Variants in ADGRL3 observed in about 807,000 individuals in gnomAD.
ADGRL3 encodes the protein adhesion G protein-coupled receptor L3.
A neutral mutation model predicts 153.5 loss-of-function variants in ADGRL3; 62 were observed. The observed-to-expected ratio is 0.40, with a 90% confidence interval of 0.33 to 0.50. The LOEUF is 0.50. Among genes scored for constraint, ADGRL3 ranks in the 20% least tolerant of loss-of-function variants. ADGRL3 has a pLI of 0.47. For missense variants in ADGRL3, 1,641 were observed against 1,859.4 expected (o/e 0.88, Z 2.16); for synonymous variants, 710 against 672.5 (o/e 1.06, Z -0.86).
At chr4:61,578,656 A>G (rs564745455) in intron 4 of ADGRL3, among the ~76,000 whole-genome samples, 277 of 152,084 alleles carry the variant, frequency 1.8e-3, no homozygotes, top group African/African-American at 6.5e-3. Flanking sequence ...TGCACATTTC[A>G]TTGCTCAGAT....
intron 2 of ADGRL3, chr4:61,420,623 G>T (rs556290611): frequency 6.6e-6 from 1 of 151,358 alleles, no homozygotes; most frequent in African/African-American, 2.4e-5. Context: ...AGCCAGGATG[G>T]TCTCGATCTC....
chr4:61,257,971 A>G (rs901162013), intron 1 of ADGRL3, among the ~76,000 whole-genome samples: 3 of 152,124 alleles, frequency 2.0e-5, no homozygotes, highest in African/African-American at 7.2e-5. Flanking sequence ...GAGAGTCAGA[A>G]GTGGTGTCTG....
chr4:61,919,340 C>G (rs1363399891), intron 13 of ADGRL3, among the ~76,000 whole-genome samples: 1 of 152,130 alleles, frequency 6.6e-6, no homozygotes, highest in African/African-American at 2.4e-5. Flanking sequence ...GGTTTGGTAA[C>G]CCTTTGTTAA....
At chr4:62,051,912 A>G (rs1734416086) in intron 25 of ADGRL3, among the ~76,000 whole-genome samples, 1 of 151,678 alleles carries the variant, frequency 6.6e-6, no homozygotes, top group African/African-American at 2.4e-5. Flanking sequence ...AAAAATTCCT[A>G]TTTTTAGAGC....
chr4:61,747,283 G>A (rs1441400343), intron 8 of ADGRL3, among the ~76,000 whole-genome samples: 233 of 150,180 alleles, frequency 1.6e-3, no homozygotes, highest in Non-Finnish European at 2.4e-3. Flanking sequence ...AGAGGTACAA[G>A]GAGGAACTGG....
chr4:61,931,713 T>A (rs1317049840), intron 13 of ADGRL3, among the ~76,000 whole-genome samples: 1 of 152,154 alleles, frequency 6.6e-6, no homozygotes, highest in Non-Finnish European at 1.5e-5. Flanking sequence ...AAATTCTAGG[T>A]TTGGGGGCCA....
chr4:61,906,417 AT>A (rs1284108852), intron 11 of ADGRL3: 1 of 152,174 alleles, frequency 6.6e-6, no homozygotes, highest in African/African-American at 2.4e-5. Context: ...AATTTAAAAA[AT>A]TAATTTAAAA....
At chr4:61,987,330 C>A (rs934861476) in intron 19 of ADGRL3, among the ~76,000 whole-genome samples, 1 of 151,622 alleles carries the variant, frequency 6.6e-6, no homozygotes, top group Admixed American at 6.6e-5. Flanking sequence ...TGCACCACCA[C>A]GCCCGTCTAA....
At chr4:61,553,989 C>T (rs528750772) in intron 4 of ADGRL3, among the ~76,000 whole-genome samples, 22 of 151,416 alleles carry the variant, frequency 1.5e-4, no homozygotes, top group South Asian at 1.3e-3. Context: ...TCCTACCTGC[C>T]GGAGAACAGA....
At chr4:61,599,043 C>A (rs1276381937) in intron 5 of ADGRL3, among the ~76,000 whole-genome samples, 1 of 152,130 alleles carries the variant, frequency 6.6e-6, no homozygotes, top group Non-Finnish European at 1.5e-5. Context: ...GGATGAAATA[C>A]ATACAAATTT....
chr4:61,247,749 G>A (rs933315644), intron 1 of ADGRL3, among the ~76,000 whole-genome samples: 2 of 151,916 alleles, frequency 1.3e-5, no homozygotes, highest in African/African-American at 4.8e-5. Flanking sequence ...TTAGGTTTAT[G>A]AGAAATTGTT....
chr4:61,251,508 A>G (rs1371808290), intron 1 of ADGRL3, among the ~76,000 whole-genome samples: 1 of 152,216 alleles, frequency 6.6e-6, no homozygotes, highest in East Asian at 1.9e-4. Flanking sequence ...GCCCTCCCAG[A>G]TTCAAGGTGA....
intron 2 of ADGRL3, among the ~76,000 whole-genome samples, chr4:61,471,585 A>C (rs997065515): frequency 6.6e-6 from 1 of 151,920 alleles, no homozygotes; most frequent in Non-Finnish European, 1.5e-5. Context: ...TGATCTTTTA[A>C]GTGTCTTCTG....
intron 5 of ADGRL3, among the ~76,000 whole-genome samples, chr4:61,653,078 C>T (rs995928295): frequency 6.6e-6 from 1 of 151,456 alleles, no homozygotes; most frequent in Non-Finnish European, 1.5e-5. Context: ...GTCATAAGGG[C>T]AGGGTTCTAA....
At chr4:61,677,529 A>G (rs1475357023) in intron 6 of ADGRL3, 1 of 156,164 alleles carries the variant, frequency 6.4e-6, no homozygotes, top group African/African-American at 2.4e-5. Context: ...TTTCTTCAGG[A>G]ATAATGAAGA....
intron 4 of ADGRL3, among the ~76,000 whole-genome samples, chr4:61,520,707 G>A (rs1463441134): frequency 1.9e-5 from 1 of 52,632 alleles, no homozygotes; most frequent in Admixed American, 1.7e-4. Context: ...TCTGTCTGAG[G>A]GGGAGTACTA....
intron 5 of ADGRL3, among the ~76,000 whole-genome samples, chr4:61,644,237 C>A (rs2093842424): frequency 6.8e-6 from 1 of 146,486 alleles, no homozygotes; most frequent in African/African-American, 2.5e-5. Flanking sequence ...TTTCAAAAAA[C>A]CAGCTCCTGG....
intron 23 of ADGRL3, among the ~76,000 whole-genome samples, chr4:62,033,038 C>A (rs1722992584): frequency 6.6e-6 from 1 of 151,616 alleles, no homozygotes. Context: ...TTAATATGTA[C>A]ACCCCCCAAA....
intron 1 of ADGRL3, among the ~76,000 whole-genome samples, chr4:61,369,241 C>T (rs907756270): frequency 3.3e-5 from 5 of 152,198 alleles, no homozygotes; most frequent in Non-Finnish European, 5.9e-5. Context: ...TGCCTAATTG[C>T]CCTGGCCAGA....
Sources: allele counts gnomAD v4.1 joint callset (sites outside exome capture counted in the v4.1 genomes callset), GRCh38; gene constraint gnomAD v4.1.1; transcripts MANE v1.5; gene names NCBI Gene and HGNC (gene_info 2026-07-23, HGNC 2026-07-21).